RAB27A: variants seen among roughly 807,000 people sequenced by gnomAD.
RAB27A encodes RAB27A, member RAS oncogene family.
RAB27A carries 17 observed loss-of-function variants against 20.8 expected under a neutral mutation model. The ratio of observed to expected loss-of-function variants is 0.82; its 90% confidence interval spans 0.56 to 1.23. The LOEUF (loss-of-function observed/expected upper bound fraction) is 1.23. RAB27A is among the 50% of genes most tolerant of loss of function. RAB27A has a pLI of 0.00. For synonymous variants in RAB27A, 85 were observed against 92.8 expected (o/e 0.92, Z 0.48); for missense variants, 277 against 266.7 (o/e 1.04, Z -0.27).
chr15:55,307,369 G>T (rs1157441957), intron 2 of RAB27A, among the ~76,000 whole-genome samples: 2 of 152,026 alleles, frequency 1.3e-5, no homozygotes, highest in Non-Finnish European at 2.9e-5. Flanking sequence ...TTCTTAGTAA[G>T]GCTATAGACA....
At chr15:55,210,161 A>G (rs903721613) in intron 6 of RAB27A, among the ~76,000 whole-genome samples, 4 of 97,472 alleles carry the variant, frequency 4.1e-5, no homozygotes, top group African/African-American at 1.2e-4. Context: ...GTATACATAC[A>G]CATACATATA....
chr15:55,318,098 C>CTTTTT (rs200901102), intron 1 of RAB27A, among the ~76,000 whole-genome samples: 1 of 131,422 alleles, frequency 7.6e-6, no homozygotes, highest in Admixed American at 7.5e-5. Context: ...CATACTTTTT[C>CTTTTT]TTTTTTTTTT....
At chr15:55,244,792 C>T (rs1026780273) in intron 2 of RAB27A, among the ~76,000 whole-genome samples, 26 of 152,106 alleles carry the variant, frequency 1.7e-4, no homozygotes, top group African/African-American at 6.3e-4. Flanking sequence ...CATGTTCTTT[C>T]ATATAATTTA....
At chr15:55,212,048 T>C (rs888093723) in intron 6 of RAB27A, among the ~76,000 whole-genome samples, 2 of 151,668 alleles carry the variant, frequency 1.3e-5, no homozygotes, top group African/African-American at 4.8e-5. Context: ...TTTGCCTGAA[T>C]TGAAACTAGC....
chr15:55,243,500 C>CA (rs1168215086), intron 2 of RAB27A, among the ~76,000 whole-genome samples: 1 of 151,646 alleles, frequency 6.6e-6, no homozygotes, highest in African/African-American at 2.4e-5. Context: ...ACTAAAAATA[C>CA]AAAAAATTGG....
intron 5 of RAB27A, among the ~76,000 whole-genome samples, 158 bp downstream of exon 5, chr15:55,228,451 A>C (rs951957526): frequency 1.3e-5 from 2 of 152,166 alleles, no homozygotes; most frequent in Non-Finnish European, 2.9e-5. Context: ...AGAGTATTTC[A>C]ATTATCTTTG....
chr15:55,301,049 G>A (rs987000496), intron 2 of RAB27A, among the ~76,000 whole-genome samples: 3 of 152,152 alleles, frequency 2.0e-5, no homozygotes, highest in Non-Finnish European at 4.4e-5. Flanking sequence ...GCCCTAAGTT[G>A]ACACTGGTAC....
chr15:55,215,613 C>T (rs1262529811), intron 6 of RAB27A, among the ~76,000 whole-genome samples: 1 of 136,214 alleles, frequency 7.3e-6, no homozygotes, highest in Admixed American at 7.6e-5. Flanking sequence ...GATCGCGCCA[C>T]TGCACTCCAG....
intron 6 of RAB27A, 51 bp downstream of exon 6, chr15:55,223,838 A>G (rs1367141231): frequency 6.2e-7 from 1 of 1,600,300 alleles, no homozygotes; most frequent in African/African-American, 1.3e-5. Context: ...TTCACCTGCT[A>G]ATGTTTATAT....
At chr15:55,214,870 C>T (rs149664832) in intron 6 of RAB27A, among the ~76,000 whole-genome samples, 1 of 152,190 alleles carries the variant, frequency 6.6e-6, no homozygotes, top group Non-Finnish European at 1.5e-5. Flanking sequence ...GCCATTGTTA[C>T]AAGAATAGAA....
intron 6 of RAB27A, among the ~76,000 whole-genome samples, chr15:55,210,158 TACAC>T (rs537965782): frequency 1.8e-4 from 26 of 147,976 alleles, no homozygotes; most frequent in Non-Finnish European, 2.4e-4. Flanking sequence ...TATGTATACA[TACAC>T]ATACATATAT....
chr15:55,314,766 G>A (rs950699415), intron 1 of RAB27A, among the ~76,000 whole-genome samples: 1 of 152,078 alleles, frequency 6.6e-6, no homozygotes, highest in South Asian at 2.1e-4. Context: ...AATAAGAGAG[G>A]ACACAAACAA....
intron 6 of RAB27A, among the ~76,000 whole-genome samples, chr15:55,213,630 A>T (rs889123266): frequency 6.6e-6 from 1 of 152,158 alleles, no homozygotes; most frequent in Non-Finnish European, 1.5e-5. Flanking sequence ...GTCTCCTGTC[A>T]GATTAGCAGC....
chr15:55,308,385 T>G (rs1457441417), intron 2 of RAB27A, among the ~76,000 whole-genome samples: 4 of 152,222 alleles, frequency 2.6e-5, no homozygotes, highest in Non-Finnish European at 1.5e-5. Flanking sequence ...TATATATATT[T>G]ACCCTTTTTC....
In RAB27A at chr15:55,205,343, A is replaced by G; in HGVS notation, c.*164T>C. On this transcript the variant is annotated 3_prime_UTR_variant, in exon 7 of 7. Coordinates refer to ENST00000336787, the MANE Select transcript of RAB27A (RefSeq NM_183235.3). The stretch of plus-strand genomic sequence containing the variant: ...CTTAAAGAAATATTTACAAAGCTGC[A>G]ACAAATTAATTTTAGAACCGGATGC... 1 of 730,770 alleles carries G rather than the reference A, an allele frequency of 1.4e-6. No homozygotes were observed. The highest frequency in any genetic ancestry group is 2.3e-6 in the Non-Finnish European group (1 of 428,624). 45.3% of individuals were successfully genotyped at this position (730,770 alleles called of 1,614,324 possible). A position where few individuals can be genotyped will look rare whatever the true frequency, so the allele number is the denominator to read the frequency against.
intron 3 of RAB27A, 142 bp from the exon 4 acceptor site, chr15:55,230,628 A>G (rs1595695578): frequency 1.5e-6 from 1 of 654,816 alleles, no homozygotes; most frequent in Non-Finnish European, 2.7e-6. Flanking sequence ...GTTTGTATTT[A>G]TGTCAAATAA....
In RAB27A at chr15:55,306,740, T is replaced by C. The variant is rs555293801; in HGVS notation, c.-112+7299A>G. Among the ~76,000 whole-genome samples, 59 of 152,246 alleles carry C rather than the reference T, an allele frequency of 3.9e-4. 1 individual carries two copies. The highest frequency in any genetic ancestry group is 1.4e-3 in the African/African-American group (59 of 41,534). On this transcript the variant is annotated intron_variant, in intron 2 of 5. Coordinates refer to the RAB27A transcript ENST00000563262. ...AGATAAACTCCTATACGATGGGGCA[T>C]CAATATGTCTGGGACGCCGCATTCT...
At position 55,259,228 on chromosome 15, in the gene RAB27A, G is replaced by C. The variant is rs562140503; in HGVS notation, c.-23+10937C>G. Among the ~76,000 whole-genome samples, 16 of 151,762 alleles carry C rather than the reference G, an allele frequency of 1.1e-4. 1 individual carries two copies. The South Asian group carries it at 3.1e-3, about 30-fold the overall frequency. ...TTTGGTTTGTCTTTTCACTTTTTTA[G>C]TGGCTCTTAATCTTAAAATAGTCAA... On this transcript the variant is annotated intron_variant, in intron 2 of 6. Transcript: ENST00000336787.
At chr15:55,226,509 TTGTGTGTG>T (rs36074324) in intron 5 of RAB27A, among the ~76,000 whole-genome samples, 10 of 148,756 alleles carry the variant, frequency 6.7e-5, no homozygotes, top group African/African-American at 2.0e-4. Context: ...TTTTATGTAT[TTGTGTGTG>T]TGTGTGTGTG....
Sources: allele counts gnomAD v4.1 joint callset (sites outside exome capture counted in the v4.1 genomes callset), GRCh38; gene constraint gnomAD v4.1.1; transcripts MANE v1.5; gene names NCBI Gene and HGNC (gene_info 2026-07-23, HGNC 2026-07-21).